MLIP: variants seen among roughly 807,000 people sequenced by gnomAD.
MLIP encodes muscular LMNA-interacting protein.
A neutral mutation model predicts 84.8 loss-of-function variants in MLIP; 79 were observed. The ratio of observed to expected loss-of-function variants is 0.93; its 90% CI spans 0.78 to 1.12. The LOEUF is 1.12. Among genes scored for constraint, MLIP ranks in the 50% most tolerant of loss-of-function variants. The pLI, the probability that MLIP is intolerant of heterozygous loss-of-function variation, is 0.00. For missense variants in MLIP, 1,257 were observed against 1,160.6 expected (o/e 1.08, Z -1.21); for synonymous variants, 504 against 463.0 (o/e 1.09, Z -1.14).
chr6:54,114,908 C>A (rs906653957), intron 1 of MLIP, among the ~76,000 whole-genome samples: 5 of 152,146 alleles, frequency 3.3e-5, no homozygotes, highest in Admixed American at 6.5e-5. Flanking sequence ...GGCAGAGATG[C>A]AGATGTGTGA....
intron 1 of MLIP, among the ~76,000 whole-genome samples, chr6:54,090,391 G>T (rs1459707180): frequency 6.6e-6 from 1 of 152,134 alleles, no homozygotes; most frequent in Non-Finnish European, 1.5e-5. Flanking sequence ...AAATTACTTA[G>T]TTTTTCCCAG....
chr6:54,226,619 A>T (rs1041813470), intron 11 of MLIP, among the ~76,000 whole-genome samples: 1 of 151,176 alleles, frequency 6.6e-6, no homozygotes, highest in African/African-American at 2.5e-5. Context: ...CCAAAAAAAA[A>T]ATGACCAAAC....
intron 4 of MLIP, among the ~76,000 whole-genome samples, chr6:54,142,486 G>A (rs816375): frequency 0.45 from 68,441 of 151,986 alleles, 17,245 homozygotes; most frequent in African/African-American, 0.69. Context: ...TAGTGAGGAA[G>A]ATGCTCTGAG....
intron 4 of MLIP, among the ~76,000 whole-genome samples, chr6:54,138,905 A>C (rs572718962): frequency 6.6e-6 from 1 of 152,208 alleles, no homozygotes; most frequent in African/African-American, 2.4e-5. Flanking sequence ...AAGTGCCTGC[A>C]TAAGAAGGGG....
chr6:54,188,685 G>C (rs144059505), intron 9 of MLIP, among the ~76,000 whole-genome samples: 2 of 152,052 alleles, frequency 1.3e-5, no homozygotes, highest in East Asian at 3.9e-4. Context: ...TCAATAACTA[G>C]AGCTTAGATA....
At chr6:54,093,613 G>A (rs980589845) in intron 1 of MLIP, among the ~76,000 whole-genome samples, 5 of 152,260 alleles carry the variant, frequency 3.3e-5, no homozygotes, top group African/African-American at 2.4e-5. Context: ...AAGTCATTTA[G>A]CATTTGGTGC....
intron 1 of MLIP, among the ~76,000 whole-genome samples, chr6:54,065,610 G>T (rs548022896): frequency 2.0e-5 from 2 of 99,978 alleles, no homozygotes; most frequent in Admixed American, 9.3e-5. Flanking sequence ...GAAGACCCTT[G>T]CCTCTCTGGG....
At chr6:54,027,763 C>A (rs1173627981) in intron 1 of MLIP, among the ~76,000 whole-genome samples, 2 of 152,144 alleles carry the variant, frequency 1.3e-5, no homozygotes, top group Non-Finnish European at 2.9e-5. Flanking sequence ...CGAAGCCATC[C>A]AGCCCTTTGA....
In MLIP at chr6:54,160,398, T is replaced by C; in HGVS notation, c.2321T>C (p.Val774Ala). 1 of 1,612,378 alleles carries C rather than the reference T, an allele frequency of 6.2e-7. No individual in the cohort carries two copies. The highest frequency in any genetic ancestry group is 8.5e-7 in the Non-Finnish European group (1 of 1,179,094). ...ALDEPAKTES[V>A]SKDNTLEPPV... ...GATGAACCAGCCAAGACTGAAAGTG[T>C]CTCCAAGGACAACACATTAGAACCA... Residue 774 changes from valine to alanine, a missense_variant, in exon 6 of 14, where the codon GTC becomes GCC. By Grantham distance (64) the Val-to-Ala change is moderately conservative (BLOSUM62 0). Transcript: ENST00000502396.
At chr6:54,218,092 G>T (rs1167701590) in intron 11 of MLIP, 1 of 628,990 alleles carries the variant, frequency 1.6e-6, no homozygotes, top group African/African-American at 2.0e-5. Context: ...ACATGGCCTT[G>T]CCTATTTCAG....
At chr6:54,187,242 A>C (rs544056539) in intron 9 of MLIP, among the ~76,000 whole-genome samples, 1 of 152,202 alleles carries the variant, frequency 6.6e-6, no homozygotes, top group Admixed American at 6.5e-5. Context: ...AATGTACTGC[A>C]GGGATGGTTT....
Position 54,257,366 on chromosome 6 carries a change from A to G in MLIP, c.2976+5A>G. 6.2e-7 allele frequency: 1 copy of G among 1,602,758 alleles called. No individual in the cohort carries two copies. The highest frequency in any genetic ancestry group is 8.5e-7 in the Non-Finnish European group (1 of 1,170,154). On this transcript the variant is annotated splice_donor_5th_base_variant and intron_variant, in intron 13 of 13. Coordinates refer to ENST00000502396, the MANE Select transcript of MLIP (RefSeq NM_001281747.2). The stretch of plus-strand genomic sequence containing the variant: ...GAAGCTCTTGATTCCAAAGAGGTAA[A>G]TGTAAGATAGGACTGGATATCTAAT...
intron 5 of MLIP, among the ~76,000 whole-genome samples, chr6:54,153,812 A>C: frequency 6.8e-6 from 1 of 147,146 alleles, no homozygotes; most frequent in East Asian, 2.0e-4. Flanking sequence ...AGATCGCGCC[A>C]CTGCACTCCA....
Position 54,121,574 on chromosome 6 carries a change from G to C in MLIP, c.224G>C (p.Ser75Thr). 1 of 1,612,924 alleles carries C rather than the reference G, an allele frequency of 6.2e-7. No individual in the cohort carries two copies. The highest frequency in any genetic ancestry group is 1.7e-5 in the Admixed American group (1 of 59,902). ...CTTGTTAAAATTCCAGAAGAATCAA[G>C]TGATAAGAGTCCAGAAACTGTAAAT... ...KFLVKIPEES[S>T]DKSPETVNRS... The change falls in exon 2 of 14, where the codon AGT becomes ACT. Residue 75 changes from serine (S) to threonine (T), a missense_variant. By Grantham distance (58) the Ser-to-Thr change is moderately conservative. Transcript: ENST00000502396.
intron 1 of MLIP, among the ~76,000 whole-genome samples, chr6:54,112,905 A>G (rs536771899): frequency 6.6e-6 from 1 of 152,188 alleles, no homozygotes; most frequent in East Asian, 1.9e-4. Flanking sequence ...ACTGAAAGTT[A>G]TAGCTGTCAA....
At chr6:54,204,958 C>T (rs1247925697) in intron 11 of MLIP, among the ~76,000 whole-genome samples, 3 of 152,282 alleles carry the variant, frequency 2.0e-5, no homozygotes, top group East Asian at 3.9e-4. Flanking sequence ...AGAAGCCTAG[C>T]ATACCACTTA....
chr6:54,071,857 T>C (rs1238459589), intron 1 of MLIP, among the ~76,000 whole-genome samples: 1 of 152,212 alleles, frequency 6.6e-6, no homozygotes, highest in South Asian at 2.1e-4. Flanking sequence ...ACATTAGCCA[T>C]GAAGTCAGCT....
At chr6:54,202,522 A>G (rs1032357769) in intron 11 of MLIP, among the ~76,000 whole-genome samples, 1 of 151,164 alleles carries the variant, frequency 6.6e-6, no homozygotes, top group Non-Finnish European at 1.5e-5. Context: ...TTTGGAGACC[A>G]AGATGTTGCT....
chr6:54,149,105 A>T lies in MLIP; in HGVS notation c.2267A>T (p.Asn756Ile). 1 of 1,612,918 alleles carries T rather than the reference A, an allele frequency of 6.2e-7. No individual in the cohort carries two copies. Among genetic ancestry groups the T allele is most frequent in the Non-Finnish European group, 8.5e-7 (1 of 1,179,222 alleles). Residue 756 changes from asparagine (N) to isoleucine (I), a missense_variant, in exon 5 of 14, where the codon AAC (asparagine) becomes ATC (isoleucine). Transcript: ENST00000502396. The stretch of plus-strand genomic sequence containing the variant: ...AAGGCTTTTGCAGCAATCCCTACAA[A>T]CACATTGCTTTTGGAACAGAAGGTC... ...SYKAFAAIPT[N>I]TLLLEQKALD... is the part of the protein sequence containing the mutation.
Sources: gnomAD v4.1 joint callset for allele counts (sites outside exome capture counted in the v4.1 genomes callset) on GRCh38, gnomAD v4.1.1 for gene constraint, MANE v1.5 for transcripts, NCBI Gene and HGNC (gene_info 2026-07-23, HGNC 2026-07-21) for gene names.